UPP2: variants seen among roughly 807,000 people sequenced by gnomAD.
UPP2 encodes the protein UPase 2.
UPP2 carries 23 observed loss-of-function variants against 26.7 expected under a neutral mutation model. The observed-to-expected ratio is 0.86, with a 90% CI of 0.62 to 1.22. UPP2 has a LOEUF of 1.22. Among genes scored for constraint, UPP2 ranks in the 50% most tolerant of loss-of-function variants. The probability of loss-of-function intolerance (pLI) is 0.00; values close to 1 mark genes in which losing one functional copy is unlikely to be tolerated. For missense variants in UPP2, 387 were observed against 396.7 expected, an observed-to-expected ratio of 0.98 and a Z score of 0.21; for synonymous variants, 127 against 141.3, an observed-to-expected ratio of 0.90 and a Z score of 0.72.
At position 158,017,601 on chromosome 2, in the gene UPP2, C is replaced by A. The variant is rs186554279; in HGVS notation, c.147+1715C>A. On this transcript the variant is annotated intron_variant, in intron 3 of 9. Coordinates refer to the UPP2 transcript ENST00000605860. ...GTATTATAGAAACATAAAGTCAAAT[C>A]TTTGCATAGCTGAGTGTTGAAACTG... 2.2e-3 allele frequency among the ~76,000 whole-genome samples: 341 copies of A among 152,314 alleles called. 2 individuals carry two copies. Among genetic ancestry groups the A allele is most frequent in the African/African-American group, 7.9e-3 (328 of 41,578 alleles).
chr2:158,097,046 A>G (rs1682996449), upstream of UPP2, among the ~76,000 whole-genome samples: 1 of 151,992 alleles, frequency 6.6e-6, no homozygotes, highest in Non-Finnish European at 1.5e-5. Flanking sequence ...ATACTTTGTA[A>G]TATATATTAA....
chr2:158,089,500 C>T (rs1326127248), intron 3 of UPP2, among the ~76,000 whole-genome samples: 2 of 152,314 alleles, frequency 1.3e-5, no homozygotes, highest in South Asian at 2.1e-4. Context: ...CAACCACCCC[C>T]GACCCCAACT....
intron 3 of UPP2, among the ~76,000 whole-genome samples, chr2:158,054,324 T>C (rs767399542): frequency 2.0e-5 from 3 of 150,692 alleles, no homozygotes; most frequent in African/African-American, 4.9e-5. Context: ...ATATAGCTTA[T>C]AAATAATTGA....
At chr2:158,039,457 C>G (rs1020998161) in intron 3 of UPP2, among the ~76,000 whole-genome samples, 5 of 152,214 alleles carry the variant, frequency 3.3e-5, no homozygotes, top group Non-Finnish European at 7.3e-5. Context: ...TATAACCAAC[C>G]TTTTATGAAA....
At chr2:158,040,292 C>T (rs6755190) in intron 3 of UPP2, among the ~76,000 whole-genome samples, 46,127 of 152,022 alleles carry the variant, frequency 0.3, 7,847 homozygotes, top group East Asian at 0.47. Context: ...ATAATGGCCT[C>T]AGTTATATTG....
rs142812363 is a variant in UPP2, at chr2:158,001,477, C to T, written c.61+6218C>T. On this transcript the variant is annotated intron_variant, in intron 2 of 9. Coordinates refer to the UPP2 transcript ENST00000605860. ...TGGCCTTCTGCTCTCACTATTCTAC[C>T]CTCTTTCTGATCTCCAATGCTCCCC... Among the ~76,000 whole-genome samples the T allele has an allele frequency of 2.8e-4, 43 of 152,150 alleles. No individual in the cohort carries two copies. The East Asian group carries it at 7.7e-3, about 27-fold the overall frequency.
intron 3 of UPP2, among the ~76,000 whole-genome samples, chr2:158,081,024 T>A (rs1445398459): frequency 4.6e-5 from 7 of 152,226 alleles, no homozygotes; most frequent in Non-Finnish European, 1.5e-5. Context: ...CATGCCTGTG[T>A]ACTCTTCTAA....
At chr2:158,008,021 C>T (rs1331598866) in intron 2 of UPP2, among the ~76,000 whole-genome samples, 1 of 152,122 alleles carries the variant, frequency 6.6e-6, no homozygotes, top group Non-Finnish European at 1.5e-5. Context: ...TCTAAGAATA[C>T]ATTTAAGGTC....
intron 3 of UPP2, among the ~76,000 whole-genome samples, chr2:158,096,693 T>C (rs1054751949): frequency 6.6e-6 from 1 of 152,190 alleles, no homozygotes; most frequent in African/African-American, 2.4e-5. Context: ...GATCACTATA[T>C]GGTAATCTGA....
chr2:158,105,576 T>C (rs770630070), intron 1 of UPP2, among the ~76,000 whole-genome samples: 1 of 152,212 alleles, frequency 6.6e-6, no homozygotes, highest in Non-Finnish European at 1.5e-5. Flanking sequence ...TTATGCATGC[T>C]ACACTTTGAG....
intron 3 of UPP2, among the ~76,000 whole-genome samples, chr2:158,018,771 A>G (rs1683699790): frequency 6.6e-6 from 1 of 151,842 alleles, no homozygotes; most frequent in African/African-American, 2.4e-5. Flanking sequence ...CCTGTCTCTC[A>G]GAACACCTTC....
intron 2 of UPP2, among the ~76,000 whole-genome samples, chr2:158,002,425 T>C (rs1460662917): frequency 2.0e-5 from 3 of 152,214 alleles, no homozygotes; most frequent in Non-Finnish European, 2.9e-5. Context: ...CCCAACTCTC[T>C]GCTCTTTATT....
At chr2:158,026,779 T>G (rs1683839453) in intron 3 of UPP2, among the ~76,000 whole-genome samples, 1 of 151,928 alleles carries the variant, frequency 6.6e-6, no homozygotes, top group African/African-American at 2.4e-5. Context: ...TACCCAAAAC[T>G]GGGAAGAAAA....
At chr2:158,058,880 G>A (rs907520771) in intron 3 of UPP2, among the ~76,000 whole-genome samples, 6 of 152,158 alleles carry the variant, frequency 3.9e-5, no homozygotes, top group African/African-American at 1.2e-4. Flanking sequence ...AGGGAGAAGA[G>A]AGTTGCAGGC....
chr2:158,104,134 G>A (rs1458479066), intron 1 of UPP2, among the ~76,000 whole-genome samples: 4 of 152,168 alleles, frequency 2.6e-5, no homozygotes, highest in Admixed American at 1.3e-4. Flanking sequence ...CTTGCATCAG[G>A]GGATTCGCAG....
chr2:158,036,321 C>T (rs901064077), intron 3 of UPP2, among the ~76,000 whole-genome samples: 3 of 152,050 alleles, frequency 2.0e-5, no homozygotes, highest in African/African-American at 7.2e-5. Context: ...ACCTGAAAAG[C>T]AGGGTGGGCA....
chr2:158,069,089 G>C (rs189921340), intron 3 of UPP2, among the ~76,000 whole-genome samples: 4 of 151,710 alleles, frequency 2.6e-5, no homozygotes, highest in African/African-American at 9.7e-5. Context: ...AGGATTACAG[G>C]CACGATCAAA....
chr2:158,019,639 A>AAC (rs57149695), intron 3 of UPP2, among the ~76,000 whole-genome samples: 2,259 of 141,142 alleles, frequency 0.016, 29 homozygotes, highest in Middle Eastern at 0.027. Context: ...AATCCTTTAA[A>AAC]ACACACACAC....
At chr2:158,011,087 A>T (rs1185611798) in intron 2 of UPP2, among the ~76,000 whole-genome samples, 2 of 152,080 alleles carry the variant, frequency 1.3e-5, no homozygotes, top group Non-Finnish European at 2.9e-5. Context: ...ATCTTAATAA[A>T]GCTTCTGATC....
Sources: allele counts gnomAD v4.1 joint callset (sites outside exome capture counted in the v4.1 genomes callset), GRCh38; gene constraint gnomAD v4.1.1; transcripts MANE v1.5; gene names NCBI Gene and HGNC (gene_info 2026-07-23, HGNC 2026-07-21).